Variants in RAB1A observed in about 807,000 individuals in gnomAD.
RAB1A encodes ras-related protein Rab-1A.
RAB1A carries 2 observed loss-of-function variants against 26.0 expected under a neutral mutation model. The ratio of observed to expected loss-of-function variants is 0.08; its 90% CI spans 0.03 to 0.24. RAB1A has a LOEUF of 0.24. Ranked by LOEUF, RAB1A falls within the 10% of genes least tolerant of loss-of-function variation. The pLI, the probability that RAB1A is intolerant of heterozygous loss-of-function variation, is 1.00. For missense variants in RAB1A, 100 were observed against 247.0 expected, an observed-to-expected ratio of 0.40 and a Z score of 3.99; for synonymous variants, 84 against 84.9, an observed-to-expected ratio of 0.99 and a Z score of 0.06.
chr2:65,093,585 G>C (rs1241741374), intron 3 of RAB1A, among the ~76,000 whole-genome samples: 1 of 151,258 alleles, frequency 6.6e-6, no homozygotes, highest in Non-Finnish European at 1.5e-5. Context: ...AGCCAAGCAA[G>C]AGGAAATGAT....
At chr2:65,106,395 C>T (rs1669560053) in intron 1 of RAB1A, 1 of 339,046 alleles carries the variant, frequency 2.9e-6, no homozygotes, top group Non-Finnish European at 5.8e-6. Context: ...AGACATAAAA[C>T]TTATTTTTTT....
intron 2 of RAB1A, among the ~76,000 whole-genome samples, chr2:65,099,816 G>A (rs1669375503): frequency 6.6e-6 from 1 of 152,008 alleles, no homozygotes; most frequent in African/African-American, 2.4e-5. Flanking sequence ...TAGCTACATA[G>A]AGCTAGTAGC....
intron 1 of RAB1A, among the ~76,000 whole-genome samples, chr2:65,114,343 CAG>C (rs1028462717): frequency 6.0e-4 from 92 of 152,084 alleles, no homozygotes; most frequent in Admixed American, 3.1e-3. Context: ...TTTGTACAAA[CAG>C]AAATACAAAT....
intron 1 of RAB1A, among the ~76,000 whole-genome samples, chr2:65,115,644 T>A (rs568087100): frequency 1.3e-5 from 2 of 152,170 alleles, no homozygotes. Flanking sequence ...ATGATCAATG[T>A]GACCAATTAC....
Position 65,119,042 on chromosome 2 carries a change from G to GA in RAB1A, c.23+10850dup, listed in dbSNP as rs767546614. Among the ~76,000 whole-genome samples, 194 of 150,906 alleles carry GA rather than the reference G, an allele frequency of 1.3e-3. 1 individual carries two copies. Among genetic ancestry groups the GA allele is most frequent in the Non-Finnish European group, 1.3e-3 (90 of 67,738 alleles). ...AGTCTCTACAAAAAAAGAGAAAAAA[G>GA]AAAAAAAATACAAAAACTGCCAGGC... On this transcript the variant is annotated intron_variant, in intron 1 of 5. Transcript: ENST00000409784.
intron 1 of RAB1A, among the ~76,000 whole-genome samples, chr2:65,122,739 G>C (rs934346214): frequency 6.6e-6 from 1 of 151,986 alleles, no homozygotes; most frequent in Non-Finnish European, 1.5e-5. Context: ...CACTTTGAGA[G>C]GCAGAGGCAG....
At chr2:65,124,846 ATACT>A (rs1439806530) in intron 1 of RAB1A, among the ~76,000 whole-genome samples, 17 of 152,196 alleles carry the variant, frequency 1.1e-4, no homozygotes, top group Non-Finnish European at 2.2e-4. Flanking sequence ...CAACTACTGA[ATACT>A]TAAATTACCG....
rs577634251 is a variant in RAB1A at position 65,113,409 on chromosome 2, G to A, written c.24-8603C>T. On this transcript the variant is annotated intron_variant, in intron 1 of 5. Transcript: ENST00000409784. ...TAGTCCCAGCTACTTAGAAGGCTGA[G>A]GCAGGAGGGTAACTTGAGCCCAGGA... 5.3e-5 allele frequency among the ~76,000 whole-genome samples: 8 copies of A among 152,266 alleles called. No individual in the cohort carries two copies. In the South Asian group the frequency reaches 1.7e-3, roughly 32 times the overall value.
At chr2:65,124,339 C>A (rs914116160) in intron 1 of RAB1A, among the ~76,000 whole-genome samples, 5 of 152,152 alleles carry the variant, frequency 3.3e-5, no homozygotes. Context: ...CCACCCAGTG[C>A]TTTGGAAGGA....
intron 3 of RAB1A, among the ~76,000 whole-genome samples, chr2:65,091,339 C>T (rs1382669781): frequency 6.6e-6 from 1 of 152,170 alleles, no homozygotes; most frequent in Non-Finnish European, 1.5e-5. Context: ...CTATGTCATA[C>T]TTTTCACATT....
At position 65,088,477 on chromosome 2, in the gene RAB1A, AG is replaced by A; in HGVS notation, c.*15del. The A allele has an allele frequency of 1.3e-6, 2 of 1,581,218 alleles. No homozygotes were observed. Among genetic ancestry groups the A allele is most frequent in the Non-Finnish European group, 1.7e-6 (2 of 1,164,786 alleles). Reference sequence around the variant, plus strand: ...ATTGCAAATTCATTGCTGTGAGAAAAGGATGGAGGCAAATTTTAGCAGCAAC... The same window carrying A: ...ATTGCAAATTCATTGCTGTGAGAAAAGATGGAGGCAAATTTTAGCAGCAAC... On this transcript the variant is annotated 3_prime_UTR_variant, in exon 6 of 6. Transcript: ENST00000409784.
chr2:65,129,357 C>G (rs902005057), intron 1 of RAB1A, among the ~76,000 whole-genome samples: 10 of 152,238 alleles, frequency 6.6e-5, no homozygotes, highest in Admixed American at 5.2e-4. Context: ...CTCAATCCCA[C>G]GCAGTCCCGA....
intron 1 of RAB1A, 131 bp downstream of exon 1, chr2:65,129,762 G>T: frequency 7.1e-7 from 1 of 1,412,046 alleles, no homozygotes; most frequent in Non-Finnish European, 9.7e-7. Flanking sequence ...CCGGCCGCCA[G>T]CCTCTCCTGA....
At position 65,130,074 on chromosome 2, in the gene RAB1A, C is replaced by T. The variant is rs1029129149; in HGVS notation, c.-159G>A. The T allele has an allele frequency of 4.9e-6, 4 of 819,666 alleles. No homozygotes were observed. The highest frequency in any genetic ancestry group is 8.0e-6 in the Non-Finnish European group (4 of 499,722). 50.8% of individuals were successfully genotyped at this position (819,666 alleles called of 1,614,324 possible). On this transcript the variant is annotated 5_prime_UTR_variant, in exon 1 of 6. Coordinates refer to ENST00000409784, the MANE Select transcript of RAB1A (RefSeq NM_004161.5). The stretch of plus-strand genomic sequence containing the variant: ...CGTCCCCTAGAACACAATCAGCAGC[C>T]GCCGCCACTCAGCTATCGCTTCCAC...
At chr2:65,124,406 AC>A (rs1670047119) in intron 1 of RAB1A, among the ~76,000 whole-genome samples, 1 of 152,128 alleles carries the variant, frequency 6.6e-6, no homozygotes, top group Non-Finnish European at 1.5e-5. Context: ...CACAGTCGCT[AC>A]AAAAAAATTT....
intron 1 of RAB1A, among the ~76,000 whole-genome samples, chr2:65,127,928 G>A (rs899685678): frequency 3.9e-5 from 6 of 152,004 alleles, no homozygotes; most frequent in African/African-American, 1.4e-4. Flanking sequence ...TAGAGACGGG[G>A]TTTCACCGTG....
intron 1 of RAB1A, among the ~76,000 whole-genome samples, chr2:65,120,455 CAAAAAAAAAAAA>C (rs67617654): frequency 7.1e-5 from 4 of 56,654 alleles, no homozygotes; most frequent in African/African-American, 1.7e-4. Flanking sequence ...CACCTTGTCT[CAAAAAAAAAAAA>C]AAAAAAAAAA....
chr2:65,112,147 A>T (rs867505868), intron 1 of RAB1A, among the ~76,000 whole-genome samples: 2,448 of 142,394 alleles, frequency 0.017, 26 homozygotes, highest in Middle Eastern at 0.028. Context: ...CTAGCTCATG[A>T]TTTTTTTTTT....
chr2:65,101,742 CTTTTTTTTTTTTTT>C (rs71401771), intron 2 of RAB1A, among the ~76,000 whole-genome samples: 1 of 70,664 alleles, frequency 1.4e-5, no homozygotes, highest in African/African-American at 6.8e-5. Flanking sequence ...GTATTACTTC[CTTTTTTTTTTTTTT>C]TTTTTTTTTT....
Sources: gnomAD v4.1 joint callset for allele counts (sites outside exome capture counted in the v4.1 genomes callset) on GRCh38, gnomAD v4.1.1 for gene constraint, MANE v1.5 for transcripts, NCBI Gene and HGNC (gene_info 2026-07-23, HGNC 2026-07-21) for gene names.